KREMEN1: variants seen among roughly 807,000 people sequenced by gnomAD.
KREMEN1 encodes the protein kringle containing transmembrane protein 1, also known as kremen protein 1.
A neutral mutation model predicts 46.5 loss-of-function variants in KREMEN1; 30 were observed. That is an observed-to-expected ratio of 0.65 (90% CI 0.48 to 0.88). The LOEUF (loss-of-function observed/expected upper bound fraction) is 0.88. Among genes scored for constraint, KREMEN1 ranks in the 40% least tolerant of loss-of-function variants. The pLI is 0.00. For missense variants in KREMEN1, 533 were observed against 596.9 expected (o/e 0.89, Z 1.11); for synonymous variants, 214 against 230.6 (o/e 0.93, Z 0.65).
In KREMEN1 at chr22:29,126,638, T is replaced by A. The variant is rs114303750; in HGVS notation, c.631+1222T>A. Among the ~76,000 whole-genome samples the A allele has an allele frequency of 9.0e-3, 1,364 of 152,326 alleles. 14 individuals are homozygous for A. Among genetic ancestry groups the A allele is most frequent in the African/African-American group, 0.031 (1,301 of 41,562 alleles). On this transcript the variant is annotated intron_variant, in intron 5 of 8. Coordinates refer to ENST00000400335, the MANE Select transcript of KREMEN1 (RefSeq NM_001039570.3). ...AGGTACCAGGTGTTAGGACTCGAAC[T>A]TATCTTTCTAGGGGACACAATTCAG... is the stretch of plus-strand genomic sequence containing the variant.
At chr22:29,083,644 G>C (rs1343239818) in intron 1 of KREMEN1, among the ~76,000 whole-genome samples, 1 of 152,038 alleles carries the variant, frequency 6.6e-6, no homozygotes, top group East Asian at 1.9e-4. Flanking sequence ...CCAGCCTGGC[G>C]AACATGGGGA....
chr22:29,158,731 G>A (rs1181662939), intron 9 of KREMEN1, among the ~76,000 whole-genome samples: 5 of 152,256 alleles, frequency 3.3e-5, no homozygotes, highest in Admixed American at 1.3e-4. Context: ...GGCTGTGGCT[G>A]ATGGTTATTT....
Position 29,073,785 on chromosome 22 carries a change from T to C in KREMEN1, c.97+558T>C. 7.4e-6 allele frequency among the ~76,000 whole-genome samples: 1 copy of C among 134,976 alleles called. No individual in the cohort carries two copies. The highest frequency in any genetic ancestry group is 1.6e-5 in the Non-Finnish European group (1 of 61,998). The allele number at this position is 134,976 out of a possible 152,430, so 88.5% of individuals were successfully genotyped here. ...CTCCCCGGTACCTCCTGGGATCCCGTCCCCAAGTCCCCAGCGACCCCTCCC... is the reference window on the plus strand; with the variant it reads ...CTCCCCGGTACCTCCTGGGATCCCGCCCCCAAGTCCCCAGCGACCCCTCCC... On this transcript the variant is annotated intron_variant, in intron 1 of 8. Coordinates refer to ENST00000400335, the MANE Select transcript of KREMEN1 (RefSeq NM_001039570.3). This position sits in a 1 kb window ranked among gnomAD's most constrained non-coding sequence, Gnocchi z 4.4.
intron 3 of KREMEN1, among the ~76,000 whole-genome samples, chr22:29,115,449 A>AAC (rs34418746): frequency 0.068 from 10,292 of 151,574 alleles, 964 homozygotes; most frequent in African/African-American, 0.21. Context: ...AAAAAAAAAA[A>AAC]CCAGAAGTAC....
intron 3 of KREMEN1, among the ~76,000 whole-genome samples, chr22:29,111,371 G>A (rs985144786): frequency 1.6e-4 from 25 of 151,760 alleles, no homozygotes; most frequent in African/African-American, 5.8e-4. Flanking sequence ...CCAGCACTTT[G>A]GGAGGCCGAG....
chr22:29,099,968 A>G (rs1429097800), intron 3 of KREMEN1, among the ~76,000 whole-genome samples: 4 of 152,214 alleles, frequency 2.6e-5, no homozygotes, highest in Non-Finnish European at 5.9e-5. Flanking sequence ...AAAACAGACC[A>G]CATATACAAT....
intron 3 of KREMEN1, among the ~76,000 whole-genome samples, chr22:29,109,298 G>A (rs1260756170): frequency 6.6e-6 from 1 of 152,202 alleles, no homozygotes; most frequent in Non-Finnish European, 1.5e-5. Flanking sequence ...TGATAGGGAT[G>A]ACTTTACTGA....
At position 29,146,099 on chromosome 22, in the gene KREMEN1, C is replaced by T. The variant is rs2301443; in HGVS notation, c.*3987C>T. 1.1e-4 allele frequency: 104 copies of T among 985,932 alleles called. 1 individual carries two copies. In the East Asian group the frequency reaches 8.4e-3, roughly 80 times the overall value. The allele number at this position is 985,932 out of a possible 1,614,324, so 61.1% of individuals were successfully genotyped here. ...GGTCAGGCCAGGTCTCCCACGGAGC[C>T]GGGCAGCTCCACACCCCACCACCTG... On this transcript the variant is annotated 3_prime_UTR_variant, in exon 9 of 9. Transcript: ENST00000400335.
At chr22:29,118,265 A>C (rs749664515) in intron 3 of KREMEN1, among the ~76,000 whole-genome samples, 5 of 152,234 alleles carry the variant, frequency 3.3e-5, no homozygotes, top group Non-Finnish European at 7.3e-5. Context: ...TGCAAGCAAG[A>C]TGAAGTCATA....
At chr22:29,135,793 T>C (rs1440418784) in intron 5 of KREMEN1, among the ~76,000 whole-genome samples, 2 of 152,204 alleles carry the variant, frequency 1.3e-5, no homozygotes, top group African/African-American at 4.8e-5. Context: ...CTCTCAAAGA[T>C]GAAACTGTTT....
intron 3 of KREMEN1, among the ~76,000 whole-genome samples, chr22:29,108,076 A>G (rs1029122581): frequency 6.6e-6 from 1 of 152,258 alleles, no homozygotes; most frequent in Non-Finnish European, 1.5e-5. Flanking sequence ...GCTTGAGCCC[A>G]CGAGTTCAAC....
chr22:29,086,321 T>G (rs748301807), intron 1 of KREMEN1, among the ~76,000 whole-genome samples: 20 of 152,216 alleles, frequency 1.3e-4, no homozygotes, highest in Non-Finnish European at 2.5e-4. Context: ...TGTTAGCTGC[T>G]TCTCTGATAT....
chr22:29,141,241 GTGTGTGTGTCTGCATGTGCA>G lies in KREMEN1; in HGVS notation c.1209-693_1209-674del, dbSNP rs1203034173. On this transcript the variant is annotated intron_variant, in intron 8 of 8. Coordinates refer to ENST00000400335, the MANE Select transcript of KREMEN1 (RefSeq NM_001039570.3). ...ATAATGTCCTCGTGTGTGTGTGTGT[GTGTGTGTGTCTGCATGTGCA>G]TGTGTGTGTGTGTGTGTCTGTGTCT... is the stretch of plus-strand genomic sequence containing the variant. Among the ~76,000 whole-genome samples the G allele has an allele frequency of 6.7e-3, 1,012 of 150,676 alleles. 13 individuals carry two copies. Among genetic ancestry groups the G allele is most frequent in the African/African-American group, 0.023 (945 of 40,766 alleles).
intron 4 of KREMEN1, among the ~76,000 whole-genome samples, chr22:29,123,311 T>A (rs2038388785): frequency 1.3e-5 from 2 of 150,344 alleles, no homozygotes; most frequent in South Asian, 2.1e-4. Flanking sequence ...AAATCACATA[T>A]GTGACAAAGG....
chr22:29,139,368 G>A (rs1263595449), intron 7 of KREMEN1, among the ~76,000 whole-genome samples: 1 of 152,206 alleles, frequency 6.6e-6, no homozygotes, highest in Non-Finnish European at 1.5e-5. Flanking sequence ...TTGGGAGGCC[G>A]AGGCAGGAAG....
rs75301770 is a variant in KREMEN1 at position 29,128,295 on chromosome 22, G to T, written c.631+2879G>T. Among the ~76,000 whole-genome samples, 950 of 152,186 alleles carry T rather than the reference G, an allele frequency of 6.2e-3. 10 individuals carry two copies. Among genetic ancestry groups the T allele is most frequent in the African/African-American group, 0.022 (910 of 41,510 alleles). On this transcript the variant is annotated intron_variant, in intron 5 of 8. Transcript: ENST00000400335. ...GGGTATTAAATGCATATTTCACTTTGATATTTTCAATTTACAATGAGTTTA... is the reference window on the plus strand; with the variant it reads ...GGGTATTAAATGCATATTTCACTTTTATATTTTCAATTTACAATGAGTTTA...
chr22:29,153,984 G>GA (rs2038940130), intron 9 of KREMEN1, among the ~76,000 whole-genome samples: 1 of 131,698 alleles, frequency 7.6e-6, no homozygotes, highest in African/African-American at 2.7e-5. Flanking sequence ...AAAAAAAAAA[G>GA]AAAGAAAAGA....
At chr22:29,081,454 C>A (rs187074450) in intron 1 of KREMEN1, among the ~76,000 whole-genome samples, 92 of 152,194 alleles carry the variant, frequency 6.0e-4, no homozygotes, top group African/African-American at 2.0e-3. Context: ...TTAAAAAATT[C>A]TTTGATGTTT....
intron 5 of KREMEN1, among the ~76,000 whole-genome samples, chr22:29,135,136 A>G (rs532966873): frequency 6.6e-6 from 1 of 152,290 alleles, no homozygotes; most frequent in African/African-American, 2.4e-5. Context: ...CCCTCCCTCC[A>G]GGAGTAGTAG....
Sources: allele counts gnomAD v4.1 joint callset (sites outside exome capture counted in the v4.1 genomes callset), GRCh38; gene constraint gnomAD v4.1.1; non-coding constraint Gnocchi (gnomAD v3.1); transcripts MANE v1.5; gene names NCBI Gene and HGNC (gene_info 2026-07-23, HGNC 2026-07-21).